Variants in RABGAP1L observed in about 807,000 individuals in gnomAD.
The protein encoded by RABGAP1L is rab GTPase-activating protein 1-like.
In RABGAP1L, 63 loss-of-function variants were observed where a neutral mutation model predicts 137.7. That is an observed-to-expected ratio of 0.46 (90% confidence interval 0.37 to 0.56). The LOEUF (loss-of-function observed/expected upper bound fraction) is 0.56. Among genes scored for constraint, RABGAP1L ranks in the 20% least tolerant of loss-of-function variants. RABGAP1L has a pLI of 0.00. For synonymous variants in RABGAP1L, 431 were observed against 433.7 expected, an observed-to-expected ratio of 0.99 and a Z score of 0.08; for missense variants, 1,095 against 1,244.0, an observed-to-expected ratio of 0.88 and a Z score of 1.80.
chr1:174,805,105 TC>T (rs1689158413), intron 18 of RABGAP1L, among the ~76,000 whole-genome samples: 1 of 152,216 alleles, frequency 6.6e-6, no homozygotes, highest in Non-Finnish European at 1.5e-5. Flanking sequence ...ATTGTATACA[TC>T]TTAACTTTTG....
intron 7 of RABGAP1L, among the ~76,000 whole-genome samples, chr1:174,257,541 T>C (rs773275046): frequency 6.6e-6 from 1 of 152,200 alleles, no homozygotes; most frequent in Non-Finnish European, 1.5e-5. Context: ...CACCCTTATA[T>C]TCATACAACA....
chr1:174,650,460 G>A (rs962907209), intron 14 of RABGAP1L, among the ~76,000 whole-genome samples: 14 of 152,132 alleles, frequency 9.2e-5, no homozygotes, highest in Admixed American at 7.9e-4. Context: ...AATCCATCTG[G>A]TCCTGGACTC....
intron 11 of RABGAP1L, among the ~76,000 whole-genome samples, chr1:174,337,105 C>A (rs1269906980): frequency 6.6e-6 from 1 of 151,930 alleles, no homozygotes; most frequent in Non-Finnish European, 1.5e-5. Flanking sequence ...CATCTTAAAT[C>A]ATCACACATT....
chr1:174,782,684 A>G (rs1411642055), intron 18 of RABGAP1L, among the ~76,000 whole-genome samples: 1 of 152,158 alleles, frequency 6.6e-6, no homozygotes, highest in African/African-American at 2.4e-5. Context: ...AGCTAGTGGT[A>G]TTGAGAGACA....
chr1:174,939,532 C>G (rs569169962), intron 19 of RABGAP1L, among the ~76,000 whole-genome samples: 1 of 142,394 alleles, frequency 7.0e-6, no homozygotes, highest in South Asian at 2.1e-4. Flanking sequence ...GGTGATACAG[C>G]GAGACTCTGT....
intron 13 of RABGAP1L, among the ~76,000 whole-genome samples, chr1:174,562,458 G>A (rs1667285679): frequency 6.6e-6 from 1 of 152,118 alleles, no homozygotes; most frequent in Admixed American, 6.5e-5. Flanking sequence ...GATTCCTCAA[G>A]GATCTAGAAC....
chr1:174,569,605 A>G (rs1049025518), intron 13 of RABGAP1L, among the ~76,000 whole-genome samples: 2 of 152,208 alleles, frequency 1.3e-5, no homozygotes, highest in African/African-American at 4.8e-5. Context: ...TCCACAGTGT[A>G]TACTCTTTAC....
In RABGAP1L at chr1:174,942,301, C is replaced by T. The variant is rs1005330230; in HGVS notation, c.2341-15156C>T. 5.9e-4 allele frequency among the ~76,000 whole-genome samples: 89 copies of T among 152,060 alleles called. 1 individual carries two copies. The highest frequency in any genetic ancestry group is 8.8e-5 in the Non-Finnish European group (6 of 68,018). ...TCTGGCTCTAGATAATAAAGAAGGA[C>T]AAATATTTAGGGCAGTTATTTCTCT... On this transcript the variant is annotated intron_variant, in intron 19 of 25. Transcript: ENST00000681986.
chr1:174,216,264 A>G (rs1249915908), intron 1 of RABGAP1L, among the ~76,000 whole-genome samples: 2 of 152,164 alleles, frequency 1.3e-5, no homozygotes, highest in South Asian at 2.1e-4. Flanking sequence ...AATGTAGTCA[A>G]TTTAATTGGA....
intron 13 of RABGAP1L, among the ~76,000 whole-genome samples, chr1:174,464,714 C>T (rs1223793523): frequency 2.0e-5 from 3 of 151,918 alleles, no homozygotes; most frequent in African/African-American, 7.3e-5. Context: ...AGTTTATACA[C>T]TTCATTCTTC....
rs1416344185 is a variant in RABGAP1L at position 174,349,144 on chromosome 1, AG to A, written c.1466-21834del. 1.9e-5 allele frequency among the ~76,000 whole-genome samples: 2 copies of A among 106,042 alleles called. 1 individual carries two copies. The highest frequency in any genetic ancestry group is 3.7e-5 in the Non-Finnish European group (2 of 53,910). 69.6% of individuals were successfully genotyped at this position (106,042 alleles called of 152,430 possible). The stretch of plus-strand genomic sequence containing the variant: ...TCCCGGACGGGGCGGCTGGCCGGGC[AG>A]AGGGGCTCCTCACTTCCCAGTAGGG... On this transcript the variant is annotated intron_variant, in intron 11 of 25. Coordinates refer to ENST00000681986, the MANE Select transcript of RABGAP1L (RefSeq NM_001366446.1).
At chr1:174,622,122 A>G (rs905810778) in intron 13 of RABGAP1L, among the ~76,000 whole-genome samples, 10 of 152,350 alleles carry the variant, frequency 6.6e-5, no homozygotes, top group African/African-American at 2.2e-4. Flanking sequence ...ATCACTGGCC[A>G]TCAGAGAAAT....
intron 17 of RABGAP1L, among the ~76,000 whole-genome samples, chr1:174,743,143 C>T (rs993825595): frequency 4.6e-5 from 7 of 152,154 alleles, no homozygotes; most frequent in Admixed American, 3.9e-4. Flanking sequence ...GGAGCTCAGT[C>T]TCAAATCCAT....
At chr1:174,307,008 T>C (rs545637771) in intron 11 of RABGAP1L, among the ~76,000 whole-genome samples, 1 of 152,334 alleles carries the variant, frequency 6.6e-6, no homozygotes, top group African/African-American at 2.4e-5. Context: ...TTTTAGCTAA[T>C]ATTTATTTAG....
chr1:174,412,496 A>G (rs1304008391), intron 13 of RABGAP1L, among the ~76,000 whole-genome samples: 2 of 152,066 alleles, frequency 1.3e-5, no homozygotes, highest in Non-Finnish European at 2.9e-5. Flanking sequence ...TTTTGATGCT[A>G]TCATAAAGTT....
At chr1:174,272,032 T>C (rs1674597374) in intron 7 of RABGAP1L, among the ~76,000 whole-genome samples, 1 of 151,954 alleles carries the variant, frequency 6.6e-6, no homozygotes. Context: ...ACCTCGTTTT[T>C]GGTTTAACTG....
intron 13 of RABGAP1L, among the ~76,000 whole-genome samples, chr1:174,469,406 A>G (rs1032096594): frequency 6.6e-6 from 1 of 152,232 alleles, no homozygotes; most frequent in African/African-American, 2.4e-5. Flanking sequence ...TCAGAAGTAT[A>G]AACGTGGACA....
intron 9 of RABGAP1L, 138 bp from the exon 10 acceptor site, chr1:174,278,475 G>C (rs1470862298): frequency 1.6e-6 from 1 of 643,618 alleles, no homozygotes; most frequent in East Asian, 2.9e-5. Context: ...ATCAAAATGT[G>C]AATAGAACAG....
chr1:174,284,519 A>G (rs1006182363), intron 10 of RABGAP1L, among the ~76,000 whole-genome samples: 1 of 152,194 alleles, frequency 6.6e-6, no homozygotes, highest in Non-Finnish European at 1.5e-5. Context: ...TCTAGTGAAT[A>G]ATGTTGCAAT....
Sources: gnomAD v4.1 joint callset for allele counts (sites outside exome capture counted in the v4.1 genomes callset) on GRCh38, gnomAD v4.1.1 for gene constraint, MANE v1.5 for transcripts, NCBI Gene and HGNC (gene_info 2026-07-23, HGNC 2026-07-21) for gene names.